ZSWIM8: variants seen among roughly 807,000 people sequenced by gnomAD.
ZSWIM8 encodes zinc finger SWIM-type containing 8.
Under a neutral mutation model 173.7 loss-of-function variants are expected in ZSWIM8, and 27 were observed. That is an observed-to-expected ratio of 0.16 (90% CI 0.11 to 0.21). The LOEUF is 0.21. ZSWIM8 is among the 10% of genes least tolerant of loss of function. ZSWIM8 has a pLI of 1.00. For synonymous variants in ZSWIM8, 958 were observed against 962.0 expected, an observed-to-expected ratio of 1.00 and a Z score of 0.08; for missense variants, 1,627 against 2,428.8, an observed-to-expected ratio of 0.67 and a Z score of 6.94.
intron 1 of ZSWIM8, chr10:73,786,309 C>T (rs2083216719): frequency 1.9e-6 from 1 of 528,998 alleles, no homozygotes; most frequent in African/African-American, 2.0e-5. Context: ...CTGGCTTCTC[C>T]ACACCTGTGT....
Position 73,800,813 on chromosome 10 carries a change from C to A in ZSWIM8, c.5122+54C>A. On this transcript the variant is annotated intron_variant, in intron 24 of 25. Coordinates refer to ENST00000604729, the MANE Select transcript of ZSWIM8 (RefSeq NM_001367799.1). This position sits in a 1 kb window ranked among gnomAD's most constrained non-coding sequence, Gnocchi z 4.1. Reference sequence around the variant, plus strand: ...CCCCCCCCCCACCTGCTCTCCCCACCTTCCTTATCCCAGACCTCCTTCCTA... The same window carrying A: ...CCCCCCCCCCACCTGCTCTCCCCACATTCCTTATCCCAGACCTCCTTCCTA... The A allele has an allele frequency of 2.2e-6, 3 of 1,366,316 alleles. No homozygotes were observed. The highest frequency in any genetic ancestry group is 3.0e-6 in the Non-Finnish European group (3 of 987,700). The allele number at this position is 1,366,316 out of a possible 1,614,324, so 84.6% of individuals were successfully genotyped here.
chr10:73,798,993 C>T lies in ZSWIM8; in HGVS notation c.4177-9C>T. On this transcript the variant is annotated splice_polypyrimidine_tract_variant and intron_variant, in intron 20 of 25. Transcript: ENST00000604729. ...TTCCCCCTTAACACTCTGTGCCCCT[C>T]TCTTCCAGGACAACCTGATGTTGGA... 1 of 1,600,340 alleles carries T rather than the reference C, an allele frequency of 6.2e-7. No individual in the cohort carries two copies. The highest frequency in any genetic ancestry group is 8.5e-7 in the Non-Finnish European group (1 of 1,171,404).
At chr10:73,786,299 C>G (rs1024957005) in intron 1 of ZSWIM8, 4 of 548,304 alleles carry the variant, frequency 7.3e-6, no homozygotes, top group Non-Finnish European at 9.3e-6. Context: ...CTGGGGTGGG[C>G]TGGCTTCTCC....
chr10:73,800,976 G>A lies in ZSWIM8; in HGVS notation c.5123-41G>A, dbSNP rs1316933717. 2.0e-6 allele frequency: 3 copies of A among 1,516,266 alleles called. No individual in the cohort carries two copies. The South Asian group carries it at 3.7e-5, about 19-fold the overall frequency. 93.9% of individuals were successfully genotyped at this position (1,516,266 alleles called of 1,614,324 possible). ...CTGTAAGTTGGGTCCCTAGGGCAGA[G>A]GTGGCCACCCCCGTCTCATGCCCCT... On this transcript the variant is annotated intron_variant, in intron 24 of 25. Transcript: ENST00000604729. This position sits in a 1 kb window ranked among gnomAD's most constrained non-coding sequence, Gnocchi z 4.1.
chr10:73,800,405 G>A lies in ZSWIM8; in HGVS notation c.4935G>A (p.Glu1645=), dbSNP rs1214202167. 5 of 1,613,552 alleles carry A rather than the reference G, an allele frequency of 3.1e-6. No individual in the cohort carries two copies. Among genetic ancestry groups the A allele is most frequent in the Non-Finnish European group, 4.2e-6 (5 of 1,179,762 alleles). ...TGAGCGGAGGTTTTCCACCGCCCGA[G>A]GAGGAGACACACAGTCAGCCAGTCA... The part of the protein sequence containing the change: ...PLVSGGFPPP[E]EETHSQPVNP... Residue 1645 remains glutamate (E), a synonymous_variant, in exon 23 of 26, where the codon GAG becomes GAA. Coordinates refer to ENST00000604729, the MANE Select transcript of ZSWIM8 (RefSeq NM_001367799.1). This position sits in a 1 kb window ranked among gnomAD's most constrained non-coding sequence, Gnocchi z 4.1.
Position 73,792,063 on chromosome 10 carries a change from G to T in ZSWIM8, c.1524G>T (p.Trp508Cys). ...SGTDRKLALCWARALPSRPGA... is the reference protein window; with the variant it reads ...SGTDRKLALCCARALPSRPGA... ...CTGACAGGAAGCTGGCACTGTGCTGGGCCCGGGCCCTGCCCTCTCGGCCAG... is the reference window on the plus strand; with the variant it reads ...CTGACAGGAAGCTGGCACTGTGCTGTGCCCGGGCCCTGCCCTCTCGGCCAG... Residue 508 changes from tryptophan (W) to cysteine (C), a missense_variant, in exon 10 of 26, where the codon TGG becomes TGT. Coordinates refer to ENST00000604729, the MANE Select transcript of ZSWIM8 (RefSeq NM_001367799.1). The surrounding 1 kb of genome is among the most constrained non-coding windows in gnomAD (Gnocchi z 4.3). The T allele has an allele frequency of 6.5e-7, 1 of 1,540,266 alleles. No homozygotes were observed. The highest frequency in any genetic ancestry group is 8.8e-7 in the Non-Finnish European group (1 of 1,138,766).
In ZSWIM8 at chr10:73,800,072, C is replaced by G. The variant is rs1466727300; in HGVS notation, c.4727C>G (p.Ala1576Gly). 1 of 1,613,880 alleles carries G rather than the reference C, an allele frequency of 6.2e-7. No individual in the cohort carries two copies. Among genetic ancestry groups the G allele is most frequent in the Non-Finnish European group, 8.5e-7 (1 of 1,179,842 alleles). Residue 1576 changes from alanine (A) to glycine (G), a missense_variant, in exon 22 of 26, where the codon GCT becomes GGT. By Grantham distance (60) the Ala-to-Gly change is moderately conservative. Coordinates refer to ENST00000604729, the MANE Select transcript of ZSWIM8 (RefSeq NM_001367799.1). The surrounding 1 kb of genome is among the most constrained non-coding windows in gnomAD (Gnocchi z 4.1). Reference sequence around the variant, plus strand: ...TATTCAGTGACTCCTCCCTCACTTGCTGCCACTGCTGTGTCTTTCCCCGTT... The same window carrying G: ...TATTCAGTGACTCCTCCCTCACTTGGTGCCACTGCTGTGTCTTTCCCCGTT... ...YPYSVTPPSL[A>G]ATAVSFPVPS...
In ZSWIM8 at chr10:73,798,985, G is replaced by A. The variant is rs199817410; in HGVS notation, c.4177-17G>A. On this transcript the variant is annotated splice_polypyrimidine_tract_variant and intron_variant, in intron 20 of 25. Transcript: ENST00000604729. ...AAAGGCCTTTCCCCCTTAACACTCT[G>A]TGCCCCTCTCTTCCAGGACAACCTG... The A allele has an allele frequency of 6.3e-7, 1 of 1,595,296 alleles. No homozygotes were observed. The highest frequency in any genetic ancestry group is 8.6e-7 in the Non-Finnish European group (1 of 1,168,888).
Position 73,797,481 on chromosome 10 carries a change from C to T in ZSWIM8, c.3538C>T (p.Arg1180Ter). 3 of 1,613,920 alleles carry T rather than the reference C, an allele frequency of 1.9e-6. No individual in the cohort carries two copies. Among genetic ancestry groups the T allele is most frequent in the Non-Finnish European group, 2.5e-6 (3 of 1,179,866 alleles). ...GGGCTGGGCCCCCACCTCCTGGGGT[C>T]GAGGTCAGGACAGTGACAGCATTAG... ...RGGWAPTSWG[R>*]GQDSDSISSS... is the part of the protein sequence containing the mutation. The change falls in exon 18 of 26, where the codon CGA becomes TGA. Residue 1180 changes from arginine to a stop codon, truncating the protein, a stop_gained. Transcript: ENST00000604729. LOFTEE classifies it high-confidence loss of function. The surrounding 1 kb of genome is among the most constrained non-coding windows in gnomAD (Gnocchi z 5.6).
chr10:73,800,872 T>C lies in ZSWIM8; in HGVS notation c.5122+113T>C. 3.4e-6 allele frequency: 4 copies of C among 1,175,032 alleles called. No individual in the cohort carries two copies. Among genetic ancestry groups the C allele is most frequent in the Middle Eastern group, 5.3e-4 (2 of 3,788 alleles). 72.8% of individuals were successfully genotyped at this position (1,175,032 alleles called of 1,614,324 possible). A position where few individuals can be genotyped will look rare whatever the true frequency, so the allele number is the denominator to read the frequency against. On this transcript the variant is annotated intron_variant, in intron 24 of 25. Transcript: ENST00000604729. The surrounding 1 kb of genome is among the most constrained non-coding windows in gnomAD (Gnocchi z 4.1). ...TCAGAGTTGAGGCCTTGGTCGGGTATGTGTGCGTGCGCGGGGGGCGGAGGG... is the reference window on the plus strand; with the variant it reads ...TCAGAGTTGAGGCCTTGGTCGGGTACGTGTGCGTGCGCGGGGGGCGGAGGG...
chr10:73,787,430 T>C (rs2083266596), intron 1 of ZSWIM8, among the ~76,000 whole-genome samples: 1 of 152,210 alleles, frequency 6.6e-6, no homozygotes, highest in South Asian at 2.1e-4. Flanking sequence ...GCTCCCTCAC[T>C]TTGAGGGAAG....
In ZSWIM8 at chr10:73,801,582, A is replaced by G. The variant is rs745870515; in HGVS notation, c.*63A>G. Reference sequence around the variant, plus strand: ...CTGTGGCTATGGGGGCCCCTCACACAGGGGGAGTGAAACTTGGCTGGACAG... The same window carrying G: ...CTGTGGCTATGGGGGCCCCTCACACGGGGGGAGTGAAACTTGGCTGGACAG... On this transcript the variant is annotated 3_prime_UTR_variant, in exon 26 of 26. Transcript: ENST00000604729. This position sits in a 1 kb window ranked among gnomAD's most constrained non-coding sequence, Gnocchi z 4.9. The G allele has an allele frequency of 2.5e-6, 4 of 1,579,492 alleles. No individual in the cohort carries two copies. Among genetic ancestry groups the G allele is most frequent in the African/African-American group, 1.4e-5 (1 of 74,064 alleles).
rs768043858 is a variant in ZSWIM8, at chr10:73,793,888, G to A, written c.2469G>A (p.Thr823=). Residue 823 remains threonine (T), a synonymous_variant, in exon 12 of 26, where the codon ACG becomes ACA. Transcript: ENST00000604729. ...AGGGCAAGAAGAACAAGGTATCCAC[G>A]AGCCGTCAGACCTGGGTGGCTACCA... ...PAKGKKNKVS[T]SRQTWVATNT... 9.9e-6 allele frequency: 16 copies of A among 1,610,930 alleles called. No homozygotes were observed. In the African/African-American group the frequency reaches 1.7e-4, roughly 18 times the overall value.
At chr10:73,799,965 T>A in intron 21 of ZSWIM8, 46 bp from the exon 22 acceptor site, 1 of 1,592,512 alleles carries the variant, frequency 6.3e-7, no homozygotes, top group Non-Finnish European at 8.6e-7. Context: ...GACAGCAACA[T>A]CCTAATCAAG....
chr10:73,799,275 G>C lies in ZSWIM8; in HGVS notation c.4450G>C (p.Ala1484Pro). 1 of 1,599,852 alleles carries C rather than the reference G, an allele frequency of 6.3e-7. No individual in the cohort carries two copies. The highest frequency in any genetic ancestry group is 8.5e-7 in the Non-Finnish European group (1 of 1,173,644). Residue 1484 changes from alanine (A) to proline (P), a missense_variant, in exon 21 of 26, where the codon GCC becomes CCC. Physicochemically the swap from Ala to Pro is conservative, Grantham distance 27. Coordinates refer to ENST00000604729, the MANE Select transcript of ZSWIM8 (RefSeq NM_001367799.1). ...GGCAGCGGCAGCAGTGACAGCAGCA[G>C]CCACAGTGGTGCCCGTCATATCGGT... is the stretch of plus-strand genomic sequence containing the variant. ...TVAAAAVTAA[A>P]TVVPVISVGS...
chr10:73,798,824 G>A (rs1458128473), intron 20 of ZSWIM8, among the ~76,000 whole-genome samples, 178 bp from the exon 21 acceptor site: 1 of 152,208 alleles, frequency 6.6e-6, no homozygotes, highest in Non-Finnish European at 1.5e-5. Flanking sequence ...ATTTTGGTCA[G>A]TATTTACTCA....
Position 73,800,246 on chromosome 10 carries a change from T to G in ZSWIM8, c.4826-50T>G. The G allele has an allele frequency of 6.2e-7, 1 of 1,611,286 alleles. No individual in the cohort carries two copies. ...AGGGGAGGTGGGGAGGGAATGTTCT[T>G]TGTCTCTCTTTGGGCTCTGAGTTCC... On this transcript the variant is annotated intron_variant, in intron 22 of 25. Transcript: ENST00000604729. This position sits in a 1 kb window ranked among gnomAD's most constrained non-coding sequence, Gnocchi z 4.1.
rs201382273 is a variant in ZSWIM8 at position 73,800,608 on chromosome 10, G to C, written c.5003-32G>C. 6.2e-6 allele frequency: 10 copies of C among 1,611,090 alleles called. No individual in the cohort carries two copies. Among genetic ancestry groups the C allele is most frequent in the East Asian group, 4.5e-5 (2 of 44,840 alleles). On this transcript the variant is annotated intron_variant, in intron 23 of 25. Coordinates refer to ENST00000604729, the MANE Select transcript of ZSWIM8 (RefSeq NM_001367799.1). This position sits in a 1 kb window ranked among gnomAD's most constrained non-coding sequence, Gnocchi z 4.1. Reference sequence around the variant, plus strand: ...GGGTAAAGGGTGAAGAGGATACACCGTACCATGTGCCCACCCTTATCTATC... The same window carrying C: ...GGGTAAAGGGTGAAGAGGATACACCCTACCATGTGCCCACCCTTATCTATC...
At chr10:73,790,377 C>G in intron 7 of ZSWIM8, 85 bp downstream of exon 7, 12 of 1,510,780 alleles carry the variant, frequency 7.9e-6, no homozygotes, top group Non-Finnish European at 1.1e-5. Flanking sequence ...TCTATTCATG[C>G]CTGTGACCCC....
Sources: gnomAD v4.1 joint callset for allele counts (sites outside exome capture counted in the v4.1 genomes callset) on GRCh38, gnomAD v4.1.1 for gene constraint, Gnocchi (gnomAD v3.1) non-coding constraint, MANE v1.5 for transcripts, NCBI Gene and HGNC (gene_info 2026-07-23, HGNC 2026-07-21) for gene names.